Variants in TAB2 observed in about 807,000 individuals in gnomAD.
TAB2 encodes TGF-beta-activated kinase 1 and MAP3K7-binding protein 2.
TAB2 carries 3 observed loss-of-function variants against 65.0 expected under a neutral mutation model. The ratio of observed to expected loss-of-function variants is 0.05; its 90% confidence interval spans 0.02 to 0.12. The LOEUF is 0.12. TAB2 is among the 10% of genes least tolerant of loss of function. TAB2 has a pLI of 1.00. For synonymous variants in TAB2, 298 were observed against 285.1 expected, an observed-to-expected ratio of 1.05 and a Z score of -0.46; for missense variants, 623 against 840.3, an observed-to-expected ratio of 0.74 and a Z score of 3.20.
chr6:149,344,749 G>A (rs1780239014), intron 1 of TAB2, among the ~76,000 whole-genome samples: 1 of 152,102 alleles, frequency 6.6e-6, no homozygotes, highest in South Asian at 2.1e-4. Flanking sequence ...GAAGTTAGAG[G>A]TTAGGCAGTA....
chr6:149,223,449 T>C (rs991965511), intron 1 of TAB2, among the ~76,000 whole-genome samples: 2 of 152,272 alleles, frequency 1.3e-5, no homozygotes, highest in African/African-American at 4.8e-5. Context: ...TTCCAAATTA[T>C]AGCCTGTGTT....
chr6:149,388,665 G>A (rs1781879669), intron 3 of TAB2, among the ~76,000 whole-genome samples: 1 of 151,988 alleles, frequency 6.6e-6, no homozygotes, highest in African/African-American at 2.4e-5. Flanking sequence ...TTTTTCTTGG[G>A]AGCTTAATTT....
At chr6:149,390,575 A>G (rs1406857293) in intron 3 of TAB2, among the ~76,000 whole-genome samples, 4 of 152,216 alleles carry the variant, frequency 2.6e-5, no homozygotes, top group Non-Finnish European at 2.9e-5. Flanking sequence ...AAAATTGAGT[A>G]ACGAAGAAAT....
Position 149,319,304 on chromosome 6 carries a change from C to G in TAB2, c.-90+1289C>G, listed in dbSNP as rs1779359789. On this transcript the variant is annotated intron_variant, in intron 1 of 6. Transcript: ENST00000637181. ...TTCATACAGTAGCAGAGTATTGACACCTTTTAAAAAATATCTTTACATTCT... is the reference window on the plus strand; with the variant it reads ...TTCATACAGTAGCAGAGTATTGACAGCTTTTAAAAAATATCTTTACATTCT... Among the ~76,000 whole-genome samples the G allele has an allele frequency of 2.0e-5, 3 of 152,248 alleles. No individual in the cohort carries two copies. The South Asian group carries it at 6.2e-4, about 32-fold the overall frequency.
intron 1 of TAB2, among the ~76,000 whole-genome samples, chr6:149,322,520 G>A (rs1359861265): frequency 2.6e-5 from 4 of 152,016 alleles, no homozygotes; most frequent in African/African-American, 9.7e-5. Context: ...ATAGAAAATC[G>A]GAGTTTTTAA....
Position 149,276,891 on chromosome 6 carries a change from C to G in TAB2, c.-121+58115C>G, listed in dbSNP as rs575499803. ...AAATATCATCTTGATTTGTAGCTCC[C>G]ATAATTCCCACGTGTTGTGGGAGGG... is the stretch of plus-strand genomic sequence containing the variant. On this transcript the variant is annotated intron_variant, in intron 1 of 1. Transcript: ENST00000606202. Among the ~76,000 whole-genome samples the G allele has an allele frequency of 3.3e-5, 5 of 152,306 alleles. No homozygotes were observed. The East Asian group carries it at 7.7e-4, about 23-fold the overall frequency.
chr6:149,346,513 G>T (rs914141130), intron 1 of TAB2: 2 of 148,714 alleles, frequency 1.3e-5, no homozygotes, highest in Admixed American at 6.8e-5. Flanking sequence ...GAGTGCAATG[G>T]TGTGATCTCG....
At chr6:149,321,776 T>C (rs187425996) in intron 1 of TAB2, among the ~76,000 whole-genome samples, 4 of 152,312 alleles carry the variant, frequency 2.6e-5, no homozygotes, top group Admixed American at 2.0e-4. Flanking sequence ...GTCAGAATTA[T>C]CACAAAGTAA....
At chr6:149,307,879 CTGT>C (rs1779097137) in intron 1 of TAB2, among the ~76,000 whole-genome samples, 1 of 152,202 alleles carries the variant, frequency 6.6e-6, no homozygotes, top group Admixed American at 6.5e-5. Context: ...CCAAAGCACT[CTGT>C]TATGTTTTAG....
intron 1 of TAB2, among the ~76,000 whole-genome samples, chr6:149,242,150 C>T (rs1777611883): frequency 6.6e-6 from 1 of 152,206 alleles, no homozygotes; most frequent in Non-Finnish European, 1.5e-5. Flanking sequence ...TGAAACAATG[C>T]TCTTGTAAAG....
chr6:149,317,051 C>A (rs1019178084), upstream of TAB2, among the ~76,000 whole-genome samples: 8 of 150,320 alleles, frequency 5.3e-5, no homozygotes, highest in African/African-American at 1.9e-4. This position sits in a 1 kb window ranked among gnomAD's most constrained non-coding sequence, Gnocchi z 4.7. Context: ...TCCGGCCGGG[C>A]CCCCGGACCC....
At chr6:149,327,713 T>C (rs1779660656) in intron 1 of TAB2, among the ~76,000 whole-genome samples, 1 of 152,226 alleles carries the variant, frequency 6.6e-6, no homozygotes, top group South Asian at 2.1e-4. Context: ...AGCATGTACC[T>C]GAATTGTACT....
chr6:149,229,096 A>T (rs996862806), intron 1 of TAB2, among the ~76,000 whole-genome samples: 3 of 152,270 alleles, frequency 2.0e-5, no homozygotes, highest in African/African-American at 4.8e-5. Context: ...ATACAGATCC[A>T]TTAGAAGAAT....
chr6:149,242,272 T>C (rs949050631), intron 1 of TAB2, among the ~76,000 whole-genome samples: 1 of 152,220 alleles, frequency 6.6e-6, no homozygotes, highest in African/African-American at 2.4e-5. Context: ...GATTAATTCT[T>C]TTTCCACAGG....
chr6:149,287,493 T>TTA (rs1554256448), intron 1 of TAB2, among the ~76,000 whole-genome samples: 43 of 150,784 alleles, frequency 2.9e-4, no homozygotes, highest in African/African-American at 8.3e-4. Context: ...TTTTTTTTTT[T>TTA]AAAAAGAAAG....
At chr6:149,271,203 A>G (rs6938137) in intron 1 of TAB2, among the ~76,000 whole-genome samples, 77,369 of 151,772 alleles carry the variant, frequency 0.51, 20,956 homozygotes, top group East Asian at 0.69. Context: ...GTGAGACCTT[A>G]TCTCTAAAAA....
chr6:149,300,625 T>C (rs896967125), intron 1 of TAB2, among the ~76,000 whole-genome samples: 1 of 152,218 alleles, frequency 6.6e-6, no homozygotes, highest in Non-Finnish European at 1.5e-5. Context: ...GCATAAACTT[T>C]TGTCAGTCAT....
At chr6:149,317,181 C>G (rs1057394676), upstream of TAB2, among the ~76,000 whole-genome samples, 1 of 152,098 alleles carries the variant, frequency 6.6e-6, no homozygotes, top group Non-Finnish European at 1.5e-5. This position sits in a 1 kb window ranked among gnomAD's most constrained non-coding sequence, Gnocchi z 4.7. Flanking sequence ...TCAGCCCAAA[C>G]TGCTAGCGGC....
chr6:149,375,439 T>C (rs1430271970), intron 2 of TAB2, among the ~76,000 whole-genome samples: 1 of 152,180 alleles, frequency 6.6e-6, no homozygotes, highest in Admixed American at 6.5e-5. Context: ...TGAGCTAGAA[T>C]ATTGCTTTTT....
Sources: allele counts gnomAD v4.1 joint callset (sites outside exome capture counted in the v4.1 genomes callset), GRCh38; gene constraint gnomAD v4.1.1; non-coding constraint Gnocchi (gnomAD v3.1); transcripts MANE v1.5; gene names NCBI Gene and HGNC (gene_info 2026-07-23, HGNC 2026-07-21).